Variants in FBXO11 observed in about 807,000 individuals in gnomAD.
The protein encoded by FBXO11 is F-box only protein 11.
In FBXO11, 13 loss-of-function variants were observed where a neutral mutation model predicts 117.0. The ratio of observed to expected loss-of-function variants is 0.11; its 90% CI spans 0.07 to 0.18. FBXO11 has a LOEUF of 0.18. FBXO11 is among the 10% of genes least tolerant of loss of function. FBXO11 has a pLI of 1.00. For synonymous variants in FBXO11, 490 were observed against 380.5 expected (o/e 1.29, Z -3.35); for missense variants, 767 against 1,164.4 (o/e 0.66, Z 4.97).
At chr2:47,896,748 A>C (rs1489683944) in intron 1 of FBXO11, among the ~76,000 whole-genome samples, 1 of 152,262 alleles carries the variant, frequency 6.6e-6, no homozygotes, top group African/African-American at 2.4e-5. Flanking sequence ...TGAAGACATC[A>C]GTCATTCATA....
intron 13 of FBXO11, 133 bp downstream of exon 13, chr2:47,822,085 C>T (rs1381865290): frequency 1.5e-6 from 1 of 664,010 alleles, no homozygotes; most frequent in African/African-American, 1.9e-5. Context: ...GACCTCATTT[C>T]TTTAAAAAAG....
In FBXO11 at chr2:47,808,124, G is replaced by A; in HGVS notation, c.2778C>T (p.His926=). Residue 926 remains histidine, a synonymous_variant, in exon 23 of 23, where the codon CAC becomes CAT. Coordinates refer to ENST00000403359, the MANE Select transcript of FBXO11 (RefSeq NM_001190274.2). ...APPIESNTLQ[H]N ...TTTTCTTTAGGGAAGGAATTCAGTT[G>A]TGCTGCAATGTATTAGATTCTATAG... 6.2e-7 allele frequency: 1 copy of A among 1,608,634 alleles called. No individual in the cohort carries two copies. The highest frequency in any genetic ancestry group is 8.5e-7 in the Non-Finnish European group (1 of 1,178,598).
chr2:47,835,977 A>C lies in FBXO11; in HGVS notation c.612T>G (p.Phe204Leu). The change falls in exon 5 of 23, where the codon TTT becomes TTG. Residue 204 changes from phenylalanine (F) to leucine (L), a missense_variant. Around this residue, in one of 10 missense-constraint regions of FBXO11, gnomAD observed 355 missense variants for 299.8 expected, o/e 1.18. Coordinates refer to ENST00000403359, the MANE Select transcript of FBXO11 (RefSeq NM_001190274.2). ...ILWKRLYMEV[F>L]EYTRPMMHPE... ...GATGCATCATAGGGCGAGTATATTC[A>C]AATACTTCCATATATAATCGTTTCC... is the stretch of plus-strand genomic sequence containing the variant. The C allele has an allele frequency of 6.2e-7, 1 of 1,608,912 alleles. No homozygotes were observed. Among genetic ancestry groups the C allele is most frequent in the Non-Finnish European group, 8.5e-7 (1 of 1,176,814 alleles).
At chr2:47,875,693 G>C (rs1482726327) in intron 1 of FBXO11, among the ~76,000 whole-genome samples, 1 of 151,996 alleles carries the variant, frequency 6.6e-6, no homozygotes, top group Admixed American at 6.6e-5. Context: ...TTTTCTCTTT[G>C]TTCTTTGGTA....
At chr2:47,890,343 T>C (rs1460174960) in intron 1 of FBXO11, among the ~76,000 whole-genome samples, 1 of 152,192 alleles carries the variant, frequency 6.6e-6, no homozygotes, top group African/African-American at 2.4e-5. Flanking sequence ...ATTATCATCC[T>C]AAAGTTGCTG....
intron 1 of FBXO11, among the ~76,000 whole-genome samples, chr2:47,897,786 A>AGT (rs1677790265): frequency 6.6e-6 from 1 of 152,120 alleles, no homozygotes; most frequent in African/African-American, 2.4e-5. Flanking sequence ...CATCTGGAAA[A>AGT]GGAGTGTTGT....
chr2:47,896,792 T>A (rs1201351315), intron 1 of FBXO11, among the ~76,000 whole-genome samples: 3 of 152,228 alleles, frequency 2.0e-5, no homozygotes, highest in African/African-American at 4.8e-5. Context: ...GCTACTTTTA[T>A]GTATTGCTGA....
intron 1 of FBXO11, among the ~76,000 whole-genome samples, chr2:47,847,758 T>C (rs1444195912): frequency 6.6e-6 from 1 of 151,740 alleles, no homozygotes; most frequent in Admixed American, 6.6e-5. Flanking sequence ...CACCATCATA[T>C]ACAGTCTGTT....
chr2:47,877,031 C>T (rs1676055293), intron 1 of FBXO11, among the ~76,000 whole-genome samples: 1 of 150,856 alleles, frequency 6.6e-6, no homozygotes, highest in Non-Finnish European at 1.5e-5. Flanking sequence ...TGACATCTTA[C>T]TTAATACAGG....
intron 1 of FBXO11, among the ~76,000 whole-genome samples, chr2:47,863,145 G>A (rs1449652105): frequency 2.7e-5 from 4 of 150,398 alleles, no homozygotes; most frequent in African/African-American, 9.8e-5. Context: ...TTTTCCCCTT[G>A]CCTTCAAATC....
chr2:47,875,488 C>CT (rs904064672), intron 1 of FBXO11, among the ~76,000 whole-genome samples: 1 of 99,848 alleles, frequency 1.0e-5, no homozygotes, highest in Admixed American at 9.4e-5. Context: ...TTCTGTCATT[C>CT]TTTTTTTGTC....
chr2:47,894,802 G>A (rs564513989), intron 1 of FBXO11, among the ~76,000 whole-genome samples: 63 of 152,178 alleles, frequency 4.1e-4, no homozygotes, highest in African/African-American at 1.4e-3. Context: ...CAATGTTTAT[G>A]ATAACCCAAC....
At chr2:47,864,424 C>A (rs922417001) in intron 1 of FBXO11, among the ~76,000 whole-genome samples, 1 of 152,112 alleles carries the variant, frequency 6.6e-6, no homozygotes, top group Non-Finnish European at 1.5e-5. Context: ...CCCATCTCTA[C>A]TAAAAATACA....
intron 1 of FBXO11, among the ~76,000 whole-genome samples, chr2:47,858,681 C>CAAAAA (rs902232765): frequency 5.7e-4 from 38 of 66,704 alleles, no homozygotes; most frequent in South Asian, 1.0e-3. Flanking sequence ...GACTCTGCCT[C>CAAAAA]AAAAAAAAAA....
rs755209843 is a variant in FBXO11, at chr2:47,839,651, G to A, written c.351C>T (p.Asn117=). 96 of 1,613,846 alleles carry A rather than the reference G, an allele frequency of 5.9e-5. No homozygotes were observed. The highest frequency in any genetic ancestry group is 1.8e-4 in the Admixed American group (11 of 59,970). ...LPKRTACPTK[N]SMEGASTSTT... is the part of the protein sequence containing the mutation. ...CTACAGTTAAAGTTACCTCCATACTGTTCTTTGTGGGACACGCTGTTCTTT... is the reference window on the plus strand; with the variant it reads ...CTACAGTTAAAGTTACCTCCATACTATTCTTTGTGGGACACGCTGTTCTTT... The change falls in exon 2 of 23, where the codon AAC becomes AAT. Residue 117 remains asparagine, a synonymous_variant. Transcript: ENST00000403359.
At chr2:47,852,483 T>C (rs568623084) in intron 1 of FBXO11, among the ~76,000 whole-genome samples, 41 of 152,212 alleles carry the variant, frequency 2.7e-4, no homozygotes, top group Non-Finnish European at 5.4e-4. Context: ...TTTGTTCTAC[T>C]GACAGGCAGT....
At position 47,813,319 on chromosome 2, in the gene FBXO11, A is replaced by T; in HGVS notation, c.2142T>A (p.Ile714=). 1 of 1,612,778 alleles carries T rather than the reference A, an allele frequency of 6.2e-7. No individual in the cohort carries two copies. The highest frequency in any genetic ancestry group is 1.7e-5 in the Admixed American group (1 of 59,986). ...IFDNAMAGVW[I]KTDSNPTLRR... The stretch of plus-strand genomic sequence containing the variant: ...TTAGTGTAGGATTACTATCTGTCTT[A>T]ATCCAGACTCCAGCCATTGCATTGT... Residue 714 remains isoleucine (I), a synonymous_variant, in exon 18 of 23, where the codon ATT becomes ATA. Transcript: ENST00000403359.
intron 1 of FBXO11, among the ~76,000 whole-genome samples, chr2:47,863,214 A>G (rs145894352): frequency 2.6e-5 from 4 of 152,336 alleles, no homozygotes; most frequent in Non-Finnish European, 5.9e-5. Flanking sequence ...AACATATAGT[A>G]GTCTCAAGTT....
intron 7 of FBXO11, among the ~76,000 whole-genome samples, chr2:47,833,326 A>C (rs1324898598): frequency 6.6e-6 from 1 of 152,204 alleles, no homozygotes; most frequent in Non-Finnish European, 1.5e-5. Context: ...GTGGAAACAA[A>C]AACAAAAAAT....
Sources: gnomAD v4.1 joint callset for allele counts (sites outside exome capture counted in the v4.1 genomes callset) on GRCh38, gnomAD v4.1.1 for gene constraint, gnomAD v4.1.1 regional missense constraint, MANE v1.5 for transcripts, NCBI Gene and HGNC (gene_info 2026-07-23, HGNC 2026-07-21) for gene names.